ADAM32: variants seen among roughly 807,000 people sequenced by gnomAD.
The protein encoded by ADAM32 is disintegrin and metalloproteinase domain-containing protein 32.
ADAM32 carries 89 observed loss-of-function variants against 114.9 expected under a neutral mutation model. The observed-to-expected ratio is 0.77, with a 90% CI of 0.65 to 0.92. The LOEUF (loss-of-function observed/expected upper bound fraction) is 0.92, where lower values mean the gene tolerates loss of function less well. ADAM32 is among the 40% of genes least tolerant of loss of function. The pLI, the probability that ADAM32 is intolerant of heterozygous loss-of-function variation, is 0.00. For synonymous variants in ADAM32, 285 were observed against 307.5 expected (o/e 0.93, Z 0.77); for missense variants, 870 against 932.8 (o/e 0.93, Z 0.88).
chr8:39,274,389 A>G (rs1812942650), intron 21 of ADAM32, 39 bp downstream of exon 21: 1 of 1,585,700 alleles, frequency 6.3e-7, no homozygotes, highest in Admixed American at 1.7e-5. Flanking sequence ...TACATGTTGA[A>G]AATTAAGAAT....
chr8:39,179,503 G>T (rs1805719739), intron 10 of ADAM32, among the ~76,000 whole-genome samples: 1 of 152,198 alleles, frequency 6.6e-6, no homozygotes, highest in South Asian at 2.1e-4. Flanking sequence ...ACTCCTGGGT[G>T]TCCATAGTAT....
chr8:39,180,137 G>T (rs1190842738), intron 10 of ADAM32, among the ~76,000 whole-genome samples: 2 of 152,200 alleles, frequency 1.3e-5, no homozygotes, highest in African/African-American at 4.8e-5. Flanking sequence ...GTGGGAACTG[G>T]GGCTGCGCGC....
At chr8:39,231,835 A>G (rs1809752969) in intron 14 of ADAM32, among the ~76,000 whole-genome samples, 192 bp from the exon 15 acceptor site, 1 of 152,128 alleles carries the variant, frequency 6.6e-6, no homozygotes, top group African/African-American at 2.4e-5. Flanking sequence ...AATTGATGAA[A>G]ATGAAGCAAA....
At chr8:39,284,647 A>G in intron 24 of ADAM32, 146 bp from the exon 25 acceptor site, 1 of 797,012 alleles carries the variant, frequency 1.3e-6, no homozygotes, top group Non-Finnish European at 2.0e-6. Context: ...AAATAATTTC[A>G]CAGGCAAAAT....
At chr8:39,188,982 A>T (rs1806425741) in intron 11 of ADAM32, among the ~76,000 whole-genome samples, 1 of 152,116 alleles carries the variant, frequency 6.6e-6, no homozygotes, top group Non-Finnish European at 1.5e-5. Context: ...AAAGCCCTGG[A>T]GTATAAGTAG....
chr8:39,200,295 CT>C (rs1807309892), intron 11 of ADAM32, among the ~76,000 whole-genome samples: 1 of 152,148 alleles, frequency 6.6e-6, no homozygotes, highest in Non-Finnish European at 1.5e-5. Flanking sequence ...TATTTCCTGA[CT>C]TTTTAATGAT....
At chr8:39,124,439 A>C (rs1481739257) in intron 2 of ADAM32, among the ~76,000 whole-genome samples, 1 of 144,236 alleles carries the variant, frequency 6.9e-6, no homozygotes. Flanking sequence ...TATTTTTGAG[A>C]CGGAGTCTTG....
rs1803818151 is a variant in ADAM32, at chr8:39,151,443, G to A, written c.420G>A (p.Gln140=). Reference sequence around the variant, plus strand: ...CTCTGGAATCTGCAGTTGAATTTCAGCATGTTCTTTACAAATTAAAGAATG... The same window carrying A: ...CTCTGGAATCTGCAGTTGAATTTCAACATGTTCTTTACAAATTAAAGAATG... ...IEPLESAVEF[Q]HVLYKLKNED... is the part of the protein sequence containing the mutation. Residue 140 remains glutamine (Q), a synonymous_variant, in exon 6 of 25, where the codon CAG becomes CAA. Transcript: ENST00000379907. The A allele has an allele frequency of 6.2e-7, 1 of 1,605,664 alleles. No individual in the cohort carries two copies. Among genetic ancestry groups the A allele is most frequent in the Middle Eastern group, 1.7e-4 (1 of 6,034 alleles).
chr8:39,236,156 TC>T (rs1810125649), intron 16 of ADAM32, among the ~76,000 whole-genome samples: 1 of 152,202 alleles, frequency 6.6e-6, no homozygotes, highest in South Asian at 2.1e-4. Flanking sequence ...TTTTATACGT[TC>T]CATAATATAA....
At chr8:39,151,287 C>T (rs143391423) in intron 5 of ADAM32, 90 bp from the exon 6 acceptor site, 362 of 1,157,076 alleles carry the variant, frequency 3.1e-4, no homozygotes, top group South Asian at 2.2e-3. Context: ...GGACTCAAAA[C>T]GTTTTATTTT....
chr8:39,273,688 T>C (rs541454256), intron 20 of ADAM32, among the ~76,000 whole-genome samples: 2 of 152,248 alleles, frequency 1.3e-5, no homozygotes, highest in Non-Finnish European at 2.9e-5. Flanking sequence ...CTGAAGTTAT[T>C]CAGCCTCAGC....
chr8:39,177,761 GT>G (rs147716607), intron 10 of ADAM32, among the ~76,000 whole-genome samples: 21,965 of 152,078 alleles, frequency 0.14, 1,765 homozygotes, highest in Middle Eastern at 0.26. Flanking sequence ...TTTCTCTTTT[GT>G]TTATGAAGCT....
At chr8:39,215,407 T>C (rs1228740093) in intron 12 of ADAM32, among the ~76,000 whole-genome samples, 1 of 152,040 alleles carries the variant, frequency 6.6e-6, no homozygotes, top group Non-Finnish European at 1.5e-5. Context: ...TTAAACTAAT[T>C]CCTAGACATT....
intron 11 of ADAM32, among the ~76,000 whole-genome samples, chr8:39,198,451 C>T (rs1249078620): frequency 1.2e-4 from 18 of 152,060 alleles, no homozygotes; most frequent in East Asian, 1.9e-4. Context: ...GATCTTGGCT[C>T]ACTGCAACCT....
intron 6 of ADAM32, among the ~76,000 whole-genome samples, chr8:39,160,598 CA>C (rs1484860731): frequency 8.0e-6 from 1 of 125,258 alleles, no homozygotes; most frequent in African/African-American, 3.1e-5. Context: ...GTTTTTAAAG[CA>C]AAAGTTTATT....
chr8:39,237,621 C>T (rs1169416799), intron 16 of ADAM32, among the ~76,000 whole-genome samples: 1 of 152,174 alleles, frequency 6.6e-6, no homozygotes, highest in South Asian at 2.1e-4. Flanking sequence ...CCCCCACTTC[C>T]CTGGTGACCT....
intron 12 of ADAM32, among the ~76,000 whole-genome samples, chr8:39,218,255 C>A (rs190930958): frequency 6.6e-6 from 1 of 152,228 alleles, no homozygotes; most frequent in East Asian, 1.9e-4. Flanking sequence ...CTGTCTGGAG[C>A]TGGGGTTGGA....
chr8:39,281,544 C>A (rs553143557), intron 23 of ADAM32, among the ~76,000 whole-genome samples: 12 of 152,166 alleles, frequency 7.9e-5, no homozygotes, highest in Non-Finnish European at 1.8e-4. Context: ...TGCATTTACA[C>A]CCCCAAAAAC....
intron 15 of ADAM32, among the ~76,000 whole-genome samples, chr8:39,232,736 A>T (rs1809830182): frequency 6.6e-6 from 1 of 152,156 alleles, no homozygotes; most frequent in South Asian, 2.1e-4. Flanking sequence ...GTGAGCTTTG[A>T]CTCAGATGGT....
Sources: gnomAD v4.1 joint callset for allele counts (sites outside exome capture counted in the v4.1 genomes callset) on GRCh38, gnomAD v4.1.1 for gene constraint, MANE v1.5 for transcripts, NCBI Gene and HGNC (gene_info 2026-07-23, HGNC 2026-07-21) for gene names.